Variants in ZNF787 observed in about 807,000 individuals in gnomAD.
ZNF787 encodes the protein zinc finger protein 787, also known as TTF-I-interacting peptide 20.
In ZNF787, 7 loss-of-function variants were observed where a neutral mutation model predicts 16.9. The observed-to-expected ratio is 0.42, with a 90% CI of 0.24 to 0.78. ZNF787 has a LOEUF of 0.78. Ranked by LOEUF, ZNF787 falls within the 30% of genes least tolerant of loss-of-function variation. The pLI is 0.30. For synonymous variants in ZNF787, 345 were observed against 270.9 expected (o/e 1.27, Z -2.69); for missense variants, 551 against 589.3 (o/e 0.94, Z 0.67).
chr19:56,091,161 G>A (rs1194270826), intron 2 of ZNF787, among the ~76,000 whole-genome samples: 1 of 152,214 alleles, frequency 6.6e-6, no homozygotes, highest in Non-Finnish European at 1.5e-5. Flanking sequence ...ATTTGCCCCG[G>A]GGCAGTGTGA....
At chr19:56,115,478 C>G in intron 1 of ZNF787, among the ~76,000 whole-genome samples, 1 of 151,696 alleles carries the variant, frequency 6.6e-6, no homozygotes, top group South Asian at 2.1e-4. Flanking sequence ...CCTGCCTCAG[C>G]CTCCCGAGTA....
intron 1 of ZNF787, among the ~76,000 whole-genome samples, chr19:56,120,567 G>T (rs2123437896): frequency 6.6e-6 from 1 of 152,316 alleles, no homozygotes; most frequent in African/African-American, 2.4e-5. Context: ...TTACCCGCCT[G>T]ATCAAAGGCC....
chr19:56,102,153 C>T (rs988935122), intron 2 of ZNF787: 2 of 152,260 alleles, frequency 1.3e-5, no homozygotes, highest in Non-Finnish European at 2.9e-5. Context: ...TTGTATGGGA[C>T]GACTCAGCTA....
intron 1 of ZNF787, among the ~76,000 whole-genome samples, chr19:56,108,467 G>A (rs1056263879): frequency 6.6e-6 from 1 of 151,200 alleles, no homozygotes; most frequent in African/African-American, 2.4e-5. Flanking sequence ...TGCCTCCTCT[G>A]GACTCCAGGT....
Position 56,088,995 on chromosome 19 carries a change from C to T in ZNF787, c.177G>A (p.Arg59=), listed in dbSNP as rs373413068. ...QSAPPAGPPP[R]PRPPAPYICN... is the part of the protein sequence containing the mutation. ...AGATGTAGGGGGCGGGCGGCCGCGG[C>T]CGGGGAGGCGGGCCGGCTGGGGGCG... The change falls in exon 3 of 3, where the codon CGG becomes CGA. Residue 59 remains arginine (R), a synonymous_variant. Coordinates refer to ENST00000610935, the MANE Select transcript of ZNF787 (RefSeq NM_001002836.4). This position sits in a 1 kb window ranked among gnomAD's most constrained non-coding sequence, Gnocchi z 8.6. 1.2e-4 allele frequency: 184 copies of T among 1,494,668 alleles called. No homozygotes were observed. The African/African-American group carries it at 2.3e-3, about 18-fold the overall frequency. The allele number at this position is 1,494,668 out of a possible 1,614,324, so 92.6% of individuals were successfully genotyped here.
At chr19:56,111,075 G>A (rs1416543150) in intron 1 of ZNF787, among the ~76,000 whole-genome samples, 1 of 152,262 alleles carries the variant, frequency 6.6e-6, no homozygotes, top group Non-Finnish European at 1.5e-5. Context: ...ATGAAAAGTA[G>A]CCTTGATTTC....
In ZNF787 at chr19:56,087,946, G is replaced by A. The variant is rs1007403256; in HGVS notation, c.*77C>T. Reference sequence around the variant, plus strand: ...CATCGCACCCCGTCCGCTTCTCCCTGGGTCTCTTGGTCTTGCACGTCGTCG... The same window carrying A: ...CATCGCACCCCGTCCGCTTCTCCCTAGGTCTCTTGGTCTTGCACGTCGTCG... On this transcript the variant is annotated 3_prime_UTR_variant, in exon 3 of 3. Transcript: ENST00000610935. The A allele has an allele frequency of 1.5e-5, 20 of 1,292,988 alleles. No homozygotes were observed. The highest frequency in any genetic ancestry group is 7.0e-5 in the East Asian group (2 of 28,642). 80.1% of individuals were successfully genotyped at this position (1,292,988 alleles called of 1,614,324 possible).
chr19:56,102,846 G>A (rs112651344), intron 2 of ZNF787: 49 of 699,694 alleles, frequency 7.0e-5, no homozygotes, highest in Non-Finnish European at 8.1e-5. Flanking sequence ...CTCAACAGAC[G>A]GGGGTGCTGC....
chr19:56,091,034 C>A (rs1985553517), intron 2 of ZNF787, among the ~76,000 whole-genome samples: 1 of 152,110 alleles, frequency 6.6e-6, no homozygotes. Flanking sequence ...AAGGGGGGAG[C>A]CTTCTGGAGA....
At chr19:56,091,919 CAGCCGA>C (rs71184312) in intron 2 of ZNF787, among the ~76,000 whole-genome samples, 23,383 of 141,698 alleles carry the variant, frequency 0.17, 3,031 homozygotes, top group African/African-American at 0.38. Context: ...GCCGCAGCCG[CAGCCGA>C]AGCCGAAGCC....
intron 2 of ZNF787, among the ~76,000 whole-genome samples, chr19:56,095,247 A>C (rs1190002573): frequency 6.6e-6 from 1 of 152,076 alleles, no homozygotes; most frequent in Non-Finnish European, 1.5e-5. Context: ...CTCATGCGCC[A>C]CTCACCTCCC....
rs371847005 is a variant in ZNF787 at position 56,104,728 on chromosome 19, C to T, written c.-10-1501G>A. 1.0e-3 allele frequency among the ~76,000 whole-genome samples: 154 copies of T among 152,380 alleles called. 1 individual carries two copies. Among genetic ancestry groups the T allele is most frequent in the African/African-American group, 3.1e-3 (130 of 41,598 alleles). Reference sequence around the variant, plus strand: ...TGCCATGCACTGTGAGGGTTCTCTACGCACACCACCAAGCGGTGCCACGCA... The same window carrying T: ...TGCCATGCACTGTGAGGGTTCTCTATGCACACCACCAAGCGGTGCCACGCA... On this transcript the variant is annotated intron_variant, in intron 1 of 2. Coordinates refer to ENST00000610935, the MANE Select transcript of ZNF787 (RefSeq NM_001002836.4).
rs1373103480 is a variant in ZNF787 at position 56,089,032 on chromosome 19, G to A, written c.140C>T (p.Pro47Leu). The A allele has an allele frequency of 2.0e-6, 3 of 1,474,050 alleles. No individual in the cohort carries two copies. The highest frequency in any genetic ancestry group is 2.7e-6 in the Non-Finnish European group (3 of 1,115,756). The allele number at this position is 1,474,050 out of a possible 1,614,324, so 91.3% of individuals were successfully genotyped here. Reference sequence around the variant, plus strand: ...GCCGGCTGGGGGCGCAGACTGGGGCGGGGACAGCTTGGTGGGAGGCCAGCT... The same window carrying A: ...GCCGGCTGGGGGCGCAGACTGGGGCAGGGACAGCTTGGTGGGAGGCCAGCT... The part of the protein sequence containing the change: ...VPSWPPTKLS[P>L]PQSAPPAGPP... The change falls in exon 3 of 3, where the codon CCG becomes CTG. Residue 47 changes from proline to leucine, a missense_variant. Around this residue, in one of 4 missense-constraint regions of ZNF787, gnomAD observed 80 missense variants for 105.9 expected, o/e 0.76. Transcript: ENST00000610935.
At chr19:56,102,646 G>A (rs187799230) in intron 2 of ZNF787, 56 of 475,268 alleles carry the variant, frequency 1.2e-4, no homozygotes, top group Admixed American at 2.6e-4. Context: ...AAAAGTCTGC[G>A]TCAGCCTGCG....
chr19:56,089,163 G>A (rs1160661889), intron 2 of ZNF787, 71 bp from the exon 3 acceptor site: 12 of 1,234,922 alleles, frequency 9.7e-6, no homozygotes, highest in African/African-American at 3.2e-5. Context: ...TGGCTGCTAC[G>A]CTGGCCTCGG....
rs776699302 is a variant in ZNF787 at position 56,088,093 on chromosome 19, T to G, written c.1079A>C (p.Glu360Ala). 4 of 1,362,386 alleles carry G rather than the reference T, an allele frequency of 2.9e-6. No individual in the cohort carries two copies. The highest frequency in any genetic ancestry group is 3.4e-5 in the African/African-American group (2 of 58,344). The allele number at this position is 1,362,386 out of a possible 1,614,324, so 84.4% of individuals were successfully genotyped here. ...CGQSYYRAGGEEEDDDDEAAG... is the reference protein window; with the variant it reads ...CGQSYYRAGGAEEDDDDEAAG... ...GGCCTCGTCGTCGTCGTCCTCCTCC[T>G]CCCCGCCCGCGCGGTAGTAGCTCTG... The change falls in exon 3 of 3, where the codon GAG (glutamate) becomes GCG (alanine). Residue 360 changes from glutamate to alanine, a missense_variant. Around this residue, in one of 4 missense-constraint regions of ZNF787, gnomAD observed 392 missense variants for 312.7 expected, o/e 1.25. Coordinates refer to ENST00000610935, the MANE Select transcript of ZNF787 (RefSeq NM_001002836.4). This position sits in a 1 kb window ranked among gnomAD's most constrained non-coding sequence, Gnocchi z 8.6.
At chr19:56,103,410 G>T in intron 1 of ZNF787, 183 bp from the exon 2 acceptor site, 1 of 498,366 alleles carries the variant, frequency 2.0e-6, no homozygotes, top group Admixed American at 3.8e-5. Context: ...GCTCCCCACT[G>T]CAGGGGCCAG....
At chr19:56,102,091 A>C (rs1986121280) in intron 2 of ZNF787, 1 of 152,246 alleles carries the variant, frequency 6.6e-6, no homozygotes, top group African/African-American at 2.4e-5. Context: ...GAAATCACTC[A>C]AAAAGGGGCT....
intron 1 of ZNF787, among the ~76,000 whole-genome samples, chr19:56,106,336 G>A (rs948058909): frequency 1.1e-4 from 17 of 152,222 alleles, no homozygotes; most frequent in Non-Finnish European, 2.2e-4. Flanking sequence ...CCCACCCATC[G>A]CTGGAGGACA....
Sources: allele counts gnomAD v4.1 joint callset (sites outside exome capture counted in the v4.1 genomes callset), GRCh38; gene constraint gnomAD v4.1.1; regional missense constraint gnomAD v4.1.1; non-coding constraint Gnocchi (gnomAD v3.1); transcripts MANE v1.5; gene names NCBI Gene and HGNC (gene_info 2026-07-23, HGNC 2026-07-21).